The following SIGLEC7 variants were observed in gnomAD, a reference collection of about 807,000 sequenced individuals.
The protein encoded by SIGLEC7 is sialic acid-binding Ig-like lectin 7.
In SIGLEC7, 33 loss-of-function variants were observed where a neutral mutation model predicts 40.8. The observed-to-expected ratio is 0.81, with a 90% CI of 0.61 to 1.08. SIGLEC7 has a LOEUF of 1.08. SIGLEC7 is among the 50% of genes least tolerant of loss of function. The pLI is 0.00. For synonymous variants in SIGLEC7, 242 were observed against 237.6 expected, an observed-to-expected ratio of 1.02 and a Z score of -0.17; for missense variants, 513 against 576.1, an observed-to-expected ratio of 0.89 and a Z score of 1.12.
intron 6 of SIGLEC7, among the ~76,000 whole-genome samples, chr19:51,152,454 C>A (rs1259837011): frequency 1.3e-5 from 2 of 152,168 alleles, no homozygotes; most frequent in Non-Finnish European, 2.9e-5. Flanking sequence ...GATATAATTT[C>A]TTTGACTGAG....
At chr19:51,144,750 G>A (rs970811150) in intron 2 of SIGLEC7, 66 bp downstream of exon 2, 4 of 1,588,816 alleles carry the variant, frequency 2.5e-6, no homozygotes, top group African/African-American at 2.7e-5. Flanking sequence ...GCAGAGGATG[G>A]GGTCAGGGCT....
At chr19:51,151,813 T>A (rs2092145448) in intron 6 of SIGLEC7, among the ~76,000 whole-genome samples, 1 of 152,188 alleles carries the variant, frequency 6.6e-6, no homozygotes, top group Admixed American at 6.5e-5. Flanking sequence ...AGACTTGGTA[T>A]GTGTGTGAAT....
chr19:51,142,609 A>C lies in SIGLEC7; in HGVS notation c.240A>C (p.Thr80=). 3 of 1,614,130 alleles carry C rather than the reference A, an allele frequency of 1.9e-6. No homozygotes were observed. The highest frequency in any genetic ancestry group is 1.7e-6 in the Non-Finnish European group (2 of 1,180,018). ...NDISWKAPVA[T]NNPAWAVQEE... ...TAAGCTGGAAGGCTCCAGTGGCCACAAACAACCCAGCTTGGGCAGTGCAGG... is the reference window on the plus strand; with the variant it reads ...TAAGCTGGAAGGCTCCAGTGGCCACCAACAACCCAGCTTGGGCAGTGCAGG... Residue 80 remains threonine (T), a synonymous_variant, in exon 1 of 7, where the codon ACA becomes ACC. Transcript: ENST00000317643. The surrounding 1 kb of genome is among the most constrained non-coding windows in gnomAD (Gnocchi z 5.0).
At chr19:51,143,886 A>T in intron 1 of SIGLEC7, 1 of 454,534 alleles carries the variant, frequency 2.2e-6, no homozygotes. Flanking sequence ...ATGGTGCAGG[A>T]GGGCTAGTGC....
At chr19:51,144,020 C>T in intron 1 of SIGLEC7, 2 of 532,144 alleles carry the variant, frequency 3.8e-6, no homozygotes, top group Non-Finnish European at 7.4e-6. Flanking sequence ...CACAAACATC[C>T]CAAATGGAAA....
chr19:51,149,791 T>G (rs889650369), intron 6 of SIGLEC7, among the ~76,000 whole-genome samples: 1 of 152,266 alleles, frequency 6.6e-6, no homozygotes, highest in Non-Finnish European at 1.5e-5. Context: ...GAGCATAGTA[T>G]GTTTTTCCAT....
intron 6 of SIGLEC7, among the ~76,000 whole-genome samples, chr19:51,150,816 C>T (rs1420938727): frequency 6.6e-6 from 1 of 152,150 alleles, no homozygotes; most frequent in Non-Finnish European, 1.5e-5. Flanking sequence ...AGCCATGGGA[C>T]ATCTGTGTGA....
Position 51,144,520 on chromosome 19 carries a change from C to T in SIGLEC7, c.548C>T (p.Ser183Phe), listed in dbSNP as rs1316958140. 2 of 1,613,874 alleles carry T rather than the reference C, an allele frequency of 1.2e-6. No individual in the cohort carries two copies. Among genetic ancestry groups the T allele is most frequent in the Admixed American group, 3.3e-5 (2 of 60,028 alleles). Residue 183 changes from serine to phenylalanine, a missense_variant, in exon 2 of 7, where the codon TCC (serine) becomes TTC (phenylalanine). Ser to Phe is a radical substitution (Grantham distance 155). Coordinates refer to ENST00000317643, the MANE Select transcript of SIGLEC7 (RefSeq NM_014385.4). Reference sequence around the variant, plus strand: ...GAGCAGGGGACGCCCCCTATGATCTCCTGGATGGGGACCTCTGTGTCCCCC... The same window carrying T: ...GAGCAGGGGACGCCCCCTATGATCTTCTGGATGGGGACCTCTGTGTCCCCC... ...ACEQGTPPMI[S>F]WMGTSVSPLH...
In SIGLEC7 at chr19:51,146,123, T is replaced by C. The variant is rs933628875; in HGVS notation, c.1027+2T>C. ...TCTCCCTGCAACAGGAGTACACAGGTGGGTAAGGGAGGGGCTGGAGGAGGA... is the reference window on the plus strand; with the variant it reads ...TCTCCCTGCAACAGGAGTACACAGGCGGGTAAGGGAGGGGCTGGAGGAGGA... On this transcript the variant is annotated splice_donor_variant, in intron 4 of 6. Coordinates refer to ENST00000317643, the MANE Select transcript of SIGLEC7 (RefSeq NM_014385.4). LOFTEE classifies it high-confidence loss of function. 2 of 1,612,856 alleles carry C rather than the reference T, an allele frequency of 1.2e-6. No individual in the cohort carries two copies. Among genetic ancestry groups the C allele is most frequent in the Non-Finnish European group, 1.7e-6 (2 of 1,179,150 alleles).
intron 2 of SIGLEC7, 111 bp downstream of exon 2, chr19:51,144,795 G>T: frequency 6.3e-7 from 1 of 1,579,904 alleles, no homozygotes; most frequent in Non-Finnish European, 8.7e-7. Context: ...ATCTGGGCTG[G>T]TTGTGGGATC....
chr19:51,152,654 C>A (rs1301493166), intron 6 of SIGLEC7, among the ~76,000 whole-genome samples: 2 of 152,132 alleles, frequency 1.3e-5, no homozygotes, highest in Admixed American at 6.5e-5. Context: ...GAGGTCAGGG[C>A]CAACACCTAC....
rs867200890 is a variant in SIGLEC7 at position 51,151,866 on chromosome 19, C to A, written c.1222-1197C>A. On this transcript the variant is annotated intron_variant, in intron 6 of 6. Transcript: ENST00000317643. ...AGAGAGAATCTGGCAAGCAAAATCA[C>A]TGACAGTTCCATGGAGCATCTTCTG... Among the ~76,000 whole-genome samples the A allele has an allele frequency of 2.6e-5, 4 of 152,310 alleles. No individual in the cohort carries two copies. The South Asian group carries it at 8.3e-4, about 32-fold the overall frequency.
rs2092104417 is a variant in SIGLEC7 at position 51,145,880 on chromosome 19, A to G, written c.786A>G (p.Ser262=). ...GTASTALGNS[S]SLSVLEGQSL... is the part of the protein sequence containing the mutation. Reference sequence around the variant, plus strand: ...CATCCACAGCTCTGGGGAACAGCTCATCTCTTTCAGTCCTAGAGGGCCAGT... The same window carrying G: ...CATCCACAGCTCTGGGGAACAGCTCGTCTCTTTCAGTCCTAGAGGGCCAGT... Residue 262 remains serine, a synonymous_variant, in exon 4 of 7, where the codon TCA becomes TCG. Transcript: ENST00000317643. This position sits in a 1 kb window ranked among gnomAD's most constrained non-coding sequence, Gnocchi z 4.3. 6.2e-7 allele frequency: 1 copy of G among 1,614,020 alleles called. No individual in the cohort carries two copies. The highest frequency in any genetic ancestry group is 1.1e-5 in the South Asian group (1 of 91,082).
Position 51,153,240 on chromosome 19 carries a change from A to C in SIGLEC7, c.1399A>C (p.Lys467Gln), listed in dbSNP as rs1196086497. 3 of 1,562,794 alleles carry C rather than the reference A, an allele frequency of 1.9e-6. No homozygotes were observed. Among genetic ancestry groups the C allele is most frequent in the African/African-American group, 1.4e-5 (1 of 73,274 alleles). Residue 467 changes from lysine to glutamine, a missense_variant, in exon 7 of 7, where the codon AAG becomes CAG. Coordinates refer to ENST00000317643, the MANE Select transcript of SIGLEC7 (RefSeq NM_014385.4). ...TGAGTACTCAGAGATCAAGATCCCC[A>C]AGTAAGAAAATGCAGAGGCTCGGGC... ...NNEYSEIKIP[K>Q]
rs1190918242 is a variant in SIGLEC7, at chr19:51,142,584, T to C, written c.215T>C (p.Ile72Thr). 3.1e-6 allele frequency: 5 copies of C among 1,613,944 alleles called. No homozygotes were observed. The highest frequency in any genetic ancestry group is 3.4e-6 in the Non-Finnish European group (4 of 1,180,024). Reference protein sequence around the residue: ...HGYWFRAGNDISWKAPVATNN... With the variant: ...HGYWFRAGNDTSWKAPVATNN... ...TACTGGTTCCGGGCAGGGAATGATA[T>C]AAGCTGGAAGGCTCCAGTGGCCACA... Residue 72 changes from isoleucine to threonine, a missense_variant, in exon 1 of 7, where the codon ATA (isoleucine) becomes ACA (threonine). Ile to Thr is a moderately conservative substitution (Grantham distance 89, BLOSUM62 -1). Coordinates refer to ENST00000317643, the MANE Select transcript of SIGLEC7 (RefSeq NM_014385.4). The surrounding 1 kb of genome is among the most constrained non-coding windows in gnomAD (Gnocchi z 5.0).
chr19:51,142,628 G>A lies in SIGLEC7; in HGVS notation c.259G>A (p.Val87Met), dbSNP rs964921109. 15 of 1,614,070 alleles carry A rather than the reference G, an allele frequency of 9.3e-6. No individual in the cohort carries two copies. The highest frequency in any genetic ancestry group is 1.3e-5 in the Non-Finnish European group (15 of 1,180,042). ...PVATNNPAWA[V>M]QEETRDRFHL... ...GGCCACAAACAACCCAGCTTGGGCAGTGCAGGAGGAAACTCGGGACCGATT... is the reference window on the plus strand; with the variant it reads ...GGCCACAAACAACCCAGCTTGGGCAATGCAGGAGGAAACTCGGGACCGATT... Residue 87 changes from valine to methionine, a missense_variant, in exon 1 of 7, where the codon GTG (valine) becomes ATG (methionine). By Grantham distance (21) the Val-to-Met change is conservative. Coordinates refer to ENST00000317643, the MANE Select transcript of SIGLEC7 (RefSeq NM_014385.4). This position sits in a 1 kb window ranked among gnomAD's most constrained non-coding sequence, Gnocchi z 5.0.
intron 4 of SIGLEC7, 130 bp from the exon 5 acceptor site, chr19:51,146,624 T>C: frequency 4.2e-6 from 3 of 715,020 alleles, no homozygotes; most frequent in Non-Finnish European, 7.1e-6. Flanking sequence ...TCCTCCTCCC[T>C]CCCATTCTTG....
intron 6 of SIGLEC7, among the ~76,000 whole-genome samples, chr19:51,148,263 G>A (rs1437194108): frequency 1.3e-5 from 2 of 152,132 alleles, no homozygotes; most frequent in African/African-American, 2.4e-5. Flanking sequence ...GGGGTTTGTG[G>A]TACAGATTAT....
chr19:51,153,018 T>C, intron 6 of SIGLEC7, 45 bp from the exon 7 acceptor site: 1 of 1,426,224 alleles, frequency 7.0e-7, no homozygotes, highest in Non-Finnish European at 9.3e-7. Flanking sequence ...TGCCTTATCC[T>C]ATTTCCACTG....
Sources: gnomAD v4.1 joint callset for allele counts (sites outside exome capture counted in the v4.1 genomes callset) on GRCh38, gnomAD v4.1.1 for gene constraint, Gnocchi (gnomAD v3.1) non-coding constraint, MANE v1.5 for transcripts, NCBI Gene and HGNC (gene_info 2026-07-23, HGNC 2026-07-21) for gene names.